BTN3A1: variants seen among roughly 807,000 people sequenced by gnomAD.
BTN3A1 encodes the protein butyrophilin subfamily 3 member A1.
Under a neutral mutation model 43.0 loss-of-function variants are expected in BTN3A1, and 24 were observed. The ratio of observed to expected loss-of-function variants is 0.56; its 90% confidence interval spans 0.40 to 0.78. The LOEUF (loss-of-function observed/expected upper bound fraction) is 0.78. Among genes scored for constraint, BTN3A1 ranks in the 30% least tolerant of loss-of-function variants. The pLI, the probability that BTN3A1 is intolerant of heterozygous loss-of-function variation, is 0.00. For synonymous variants in BTN3A1, 181 were observed against 234.7 expected, an observed-to-expected ratio of 0.77 and a Z score of 2.09; for missense variants, 533 against 626.2, an observed-to-expected ratio of 0.85 and a Z score of 1.59.
At position 26,409,605 on chromosome 6, in the gene BTN3A1, T is replaced by C. The variant is rs754940106; in HGVS notation, c.788T>C (p.Leu263Pro). Residue 263 changes from leucine to proline, a missense_variant, in exon 5 of 10, where the codon CTT becomes CCT. Around this residue, in one of 4 missense-constraint regions of BTN3A1, gnomAD observed 415 missense variants for 427.0 expected, o/e 0.97. Transcript: ENST00000289361. ...ACCCTGCCTGTCTTGCTGCTGCTTCTTGGGGGAGCCGGTTACTTCCTGTGG... is the reference window on the plus strand; with the variant it reads ...ACCCTGCCTGTCTTGCTGCTGCTTCCTGGGGGAGCCGGTTACTTCCTGTGG... ...AGTLPVLLLL[L>P]GGAGYFLWQQ... 1.2e-4 allele frequency: 189 copies of C among 1,612,508 alleles called. No individual in the cohort carries two copies. Among genetic ancestry groups the C allele is most frequent in the East Asian group, 9.1e-4 (41 of 44,868 alleles).
Position 26,413,620 on chromosome 6 carries a change from C to G in BTN3A1, c.1470C>G (p.Phe490Leu). Residue 490 changes from phenylalanine to leucine, a missense_variant, in exon 10 of 10, where the codon TTC (phenylalanine) becomes TTG (leucine). Transcript: ENST00000289361. ...TTCATACTTTCCTGGACGTCTCCTT[C>G]TCTGAGGCTCTATATCCTGTTTTCA... Reference protein sequence around the residue: ...SHIHTFLDVSFSEALYPVFRI... With the variant: ...SHIHTFLDVSLSEALYPVFRI... 6.2e-7 allele frequency: 1 copy of G among 1,614,182 alleles called. No homozygotes were observed. Among genetic ancestry groups the G allele is most frequent in the Non-Finnish European group, 8.5e-7 (1 of 1,180,040 alleles).
At position 26,405,761 on chromosome 6, in the gene BTN3A1, C is replaced by T. The variant is rs578061938; in HGVS notation, c.85+113C>T. On this transcript the variant is annotated intron_variant, in intron 2 of 9. Coordinates refer to ENST00000289361, the MANE Select transcript of BTN3A1 (RefSeq NM_007048.6). ...GTCCATCCCGATCTGAAGGTTCACCCGTCACTAAGAGACAAATGGTGCTTC... is the reference window on the plus strand; with the variant it reads ...GTCCATCCCGATCTGAAGGTTCACCTGTCACTAAGAGACAAATGGTGCTTC... 59 of 1,577,046 alleles carry T rather than the reference C, an allele frequency of 3.7e-5. No individual in the cohort carries two copies. The Admixed American group carries it at 4.5e-4, about 12-fold the overall frequency.
At chr6:26,411,931 A>G in intron 9 of BTN3A1, 1 of 261,030 alleles carries the variant, frequency 3.8e-6, no homozygotes, top group Non-Finnish European at 7.2e-6. Context: ...CTGCCCAAAG[A>G]ACTTAGTCCT....
intron 1 of BTN3A1, among the ~76,000 whole-genome samples, chr6:26,403,283 C>T (rs922197581): frequency 6.6e-6 from 1 of 152,152 alleles, no homozygotes; most frequent in Non-Finnish European, 1.5e-5. Context: ...CTAGGCTGGT[C>T]TCAAACTCCT....
intron 7 of BTN3A1, 109 bp from the exon 8 acceptor site, chr6:26,411,000 T>TGAAAAAAAAAA (rs1762195349): frequency 3.0e-6 from 1 of 333,128 alleles, no homozygotes; most frequent in Non-Finnish European, 4.7e-6. Context: ...ATACAGGTGG[T>TGAAAAAAAAAA]AAAAAAAAAA....
chr6:26,406,565 C>T (rs982144223), intron 3 of BTN3A1, among the ~76,000 whole-genome samples: 1 of 152,206 alleles, frequency 6.6e-6, no homozygotes, highest in Non-Finnish European at 1.5e-5. Context: ...CACAGTCATT[C>T]GTGTTTAGTT....
chr6:26,404,955 G>T (rs1761963397), intron 1 of BTN3A1, among the ~76,000 whole-genome samples: 1 of 152,220 alleles, frequency 6.6e-6, no homozygotes, highest in African/African-American at 2.4e-5. Flanking sequence ...TTTGTTGAAT[G>T]ACTTTATGAA....
rs1018113195 is a variant in BTN3A1 at position 26,411,429 on chromosome 6, G to A, written c.992-126G>A. 13 of 1,216,072 alleles carry A rather than the reference G, an allele frequency of 1.1e-5. No homozygotes were observed. In the African/African-American group the frequency reaches 1.4e-4, roughly 13 times the overall value. The allele number at this position is 1,216,072 out of a possible 1,614,324, so 75.3% of individuals were successfully genotyped here. On this transcript the variant is annotated intron_variant, in intron 8 of 9. Transcript: ENST00000289361. ...CCCCTGATCCATCAGAGCTGTAGAAGAGGGAGGCTGGACCCTGGAAGAGAC... is the reference window on the plus strand; with the variant it reads ...CCCCTGATCCATCAGAGCTGTAGAAAAGGGAGGCTGGACCCTGGAAGAGAC...
chr6:26,413,839 G>A lies in BTN3A1; in HGVS notation c.*147G>A. On this transcript the variant is annotated 3_prime_UTR_variant, in exon 10 of 10. Coordinates refer to ENST00000289361, the MANE Select transcript of BTN3A1 (RefSeq NM_007048.6). ...CTCCCTGCCCAGCTCAGAGCTGAGG[G>A]CCTCCCCCTCCACAGCAACCAATCA... 2 of 1,500,150 alleles carry A rather than the reference G, an allele frequency of 1.3e-6. No individual in the cohort carries two copies. The highest frequency in any genetic ancestry group is 1.8e-6 in the Non-Finnish European group (2 of 1,100,076). The allele number at this position is 1,500,150 out of a possible 1,614,324, so 92.9% of individuals were successfully genotyped here. A position where few individuals can be genotyped will look rare whatever the true frequency, so the allele number is the denominator to read the frequency against.
chr6:26,410,117 G>A (rs959424292), intron 7 of BTN3A1, 85 bp downstream of exon 7: 1 of 1,565,600 alleles, frequency 6.4e-7, no homozygotes, highest in Non-Finnish European at 8.8e-7. Flanking sequence ...TTTCCCCAAG[G>A]TTGGGAAGTG....
chr6:26,413,484 C>T lies in BTN3A1; in HGVS notation c.1334C>T (p.Thr445Ile). 6.2e-7 allele frequency: 1 copy of T among 1,614,138 alleles called. No homozygotes were observed. Among genetic ancestry groups the T allele is most frequent in the Non-Finnish European group, 8.5e-7 (1 of 1,180,034 alleles). The change falls in exon 10 of 10, where the codon ACT becomes ATT. Residue 445 changes from threonine to isoleucine, a missense_variant. This residue lies in a region of BTN3A1 where 415 missense variants were observed against 427.0 expected (regional missense o/e 0.97). Transcript: ENST00000289361. ...GATGGGAATAAGTATCGGACTCTAA[C>T]TGAGCCCAGAACCAACCTGAAACTT... ...LTDGNKYRTL[T>I]EPRTNLKLPK...
In BTN3A1 at chr6:26,407,922, C is replaced by T; in HGVS notation, c.685C>T (p.Leu229=). The part of the protein sequence containing the change: ...SCTIRSSLLG[L]EKTASISIAD... Reference sequence around the variant, plus strand: ...TACCATCAGAAGTTCCCTCCTCGGCCTGGAAAAGACAGCCAGCATTTCCAT... The same window carrying T: ...TACCATCAGAAGTTCCCTCCTCGGCTTGGAAAAGACAGCCAGCATTTCCAT... Residue 229 remains leucine (L), a synonymous_variant, in exon 4 of 10, where the codon CTG becomes TTG. Coordinates refer to ENST00000289361, the MANE Select transcript of BTN3A1 (RefSeq NM_007048.6). 6.2e-7 allele frequency: 1 copy of T among 1,614,186 alleles called. No homozygotes were observed. Among genetic ancestry groups the T allele is most frequent in the Non-Finnish European group, 8.5e-7 (1 of 1,180,022 alleles).
At chr6:26,404,397 A>T (rs1761944627) in intron 1 of BTN3A1, 1 of 152,260 alleles carries the variant, frequency 6.6e-6, no homozygotes, top group South Asian at 2.1e-4. Context: ...TCTTCAGATT[A>T]GCATGCGTCT....
Position 26,413,630 on chromosome 6 carries a change from C to T in BTN3A1, c.1480C>T (p.Leu494=), listed in dbSNP as rs1417638582. ...TFLDVSFSEA[L]YPVFRILTLE... is the part of the protein sequence containing the mutation. ...CCTGGACGTCTCCTTCTCTGAGGCT[C>T]TATATCCTGTTTTCAGAATTTTGAC... is the stretch of plus-strand genomic sequence containing the variant. The change falls in exon 10 of 10, where the codon CTA becomes TTA. Residue 494 remains leucine (L), a synonymous_variant. Coordinates refer to ENST00000289361, the MANE Select transcript of BTN3A1 (RefSeq NM_007048.6). 6.2e-7 allele frequency: 1 copy of T among 1,614,096 alleles called. No homozygotes were observed. Among genetic ancestry groups the T allele is most frequent in the South Asian group, 1.1e-5 (1 of 91,078 alleles).
intron 4 of BTN3A1, among the ~76,000 whole-genome samples, chr6:26,408,692 C>T (rs1049028193): frequency 1.3e-4 from 20 of 152,174 alleles, no homozygotes; most frequent in East Asian, 1.9e-4. Context: ...TTTTTTATAG[C>T]ACTGATTATG....
rs571605350 is a variant in BTN3A1 at position 26,413,271 on chromosome 6, A to T, written c.1121A>T (p.Asn374Ile). 3.1e-6 allele frequency: 5 copies of T among 1,614,102 alleles called. No individual in the cohort carries two copies. In the East Asian group the frequency reaches 8.9e-5, roughly 29 times the overall value. Reference protein sequence around the residue: ...RAKEPQDLPDNPERFNWHYCV... With the variant: ...RAKEPQDLPDIPERFNWHYCV... ...AAGGAGCCCCAGGATCTGCCAGACA[A>T]CCCTGAGAGATTTAATTGGCATTAT... Residue 374 changes from asparagine (N) to isoleucine (I), a missense_variant, in exon 10 of 10, where the codon AAC (asparagine) becomes ATC (isoleucine). Asn to Ile is a moderately radical substitution (Grantham distance 149). Transcript: ENST00000289361.
intron 4 of BTN3A1, among the ~76,000 whole-genome samples, chr6:26,408,569 C>T (rs1383378406): frequency 6.6e-6 from 1 of 152,132 alleles, no homozygotes; most frequent in East Asian, 1.9e-4. Flanking sequence ...CTGTTGGGGG[C>T]TATATAACAA....
At position 26,405,959 on chromosome 6, in the gene BTN3A1, G is replaced by A. The variant is rs564000550; in HGVS notation, c.136G>A (p.Glu46Lys). Reference sequence around the variant, plus strand: ...TGGGCCCATCCTGGCCATGGTGGGTGAAGACGCTGATCTGCCCTGTCACCT... The same window carrying A: ...TGGGCCCATCCTGGCCATGGTGGGTAAAGACGCTGATCTGCCCTGTCACCT... ...PSGPILAMVG[E>K]DADLPCHLFP... The change falls in exon 3 of 10, where the codon GAA (glutamate) becomes AAA (lysine). Residue 46 changes from glutamate (E) to lysine (K), a missense_variant. Glu to Lys is a moderately conservative substitution (Grantham distance 56, BLOSUM62 1). This residue lies in a region of BTN3A1 where 56 missense variants were observed against 67.1 expected (regional missense o/e 0.83). Coordinates refer to ENST00000289361, the MANE Select transcript of BTN3A1 (RefSeq NM_007048.6). The A allele has an allele frequency of 8.4e-4, 1,353 of 1,603,460 alleles. 21 individuals are homozygous for A. In the South Asian group the frequency reaches 0.014, roughly 17 times the overall value.
rs1221125687 is a variant in BTN3A1, at chr6:26,410,015, G to A, written c.947G>A (p.Ser316Asn). 5 of 1,614,020 alleles carry A rather than the reference G, an allele frequency of 3.1e-6. No individual in the cohort carries two copies. Among genetic ancestry groups the A allele is most frequent in the Middle Eastern group, 1.6e-4 (1 of 6,080 alleles). Residue 316 changes from serine (S) to asparagine (N), a missense_variant, in exon 7 of 10, where the codon AGT becomes AAT. This residue lies in a region of BTN3A1 where 415 missense variants were observed against 427.0 expected (regional missense o/e 0.97). Coordinates refer to ENST00000289361, the MANE Select transcript of BTN3A1 (RefSeq NM_007048.6). ...GTTCCTTCCGTTGCAGGATGGAGAA[G>A]TATCCAGTATGCATCTCGTAAGTGC... ...VKLLEELRWR[S>N]IQYASRGERH...
Sources: gnomAD v4.1 joint callset for allele counts (sites outside exome capture counted in the v4.1 genomes callset) on GRCh38, gnomAD v4.1.1 for gene constraint, gnomAD v4.1.1 regional missense constraint, MANE v1.5 for transcripts, NCBI Gene and HGNC (gene_info 2026-07-23, HGNC 2026-07-21) for gene names.